The following RABL3 variants were observed in gnomAD, a reference collection of about 807,000 sequenced individuals.
RABL3 encodes the protein rab-like protein 3.
Under a neutral mutation model 31.8 loss-of-function variants are expected in RABL3, and 31 were observed. The ratio of observed to expected loss-of-function variants is 0.97; its 90% CI spans 0.73 to 1.31. The LOEUF (loss-of-function observed/expected upper bound fraction) is 1.31, where lower values mean the gene tolerates loss of function less well. Ranked by LOEUF, RABL3 falls within the 40% of genes most tolerant of loss-of-function variation. The pLI, the probability that RABL3 is intolerant of heterozygous loss-of-function variation, is 0.00. For synonymous variants in RABL3, 97 were observed against 99.9 expected (o/e 0.97, Z 0.18); for missense variants, 263 against 279.6 (o/e 0.94, Z 0.42).
At chr3:120,720,052 G>A (rs1708719009) in intron 2 of RABL3, among the ~76,000 whole-genome samples, 1 of 152,190 alleles carries the variant, frequency 6.6e-6, no homozygotes, top group Admixed American at 6.5e-5. Context: ...TATAGCCTCC[G>A]CTGGTGATAC....
intron 2 of RABL3, among the ~76,000 whole-genome samples, chr3:120,711,184 G>A (rs1708609163): frequency 1.3e-5 from 2 of 151,948 alleles, no homozygotes; most frequent in Non-Finnish European, 2.9e-5. Flanking sequence ...TGTGTCTCAA[G>A]GTTTAGTTCT....
chr3:120,711,823 C>T (rs1708616084), intron 2 of RABL3, among the ~76,000 whole-genome samples: 1 of 152,058 alleles, frequency 6.6e-6, no homozygotes, highest in Admixed American at 6.5e-5. Flanking sequence ...GTATTTTGAA[C>T]AATTCTCCAA....
Position 120,739,460 on chromosome 3 carries a change from T to C in RABL3, c.46+3002A>G, listed in dbSNP as rs367896131. Among the ~76,000 whole-genome samples, 121 of 152,300 alleles carry C rather than the reference T, an allele frequency of 7.9e-4. 1 individual carries two copies. The highest frequency in any genetic ancestry group is 2.8e-3 in the African/African-American group (117 of 41,556). ...TGATAAAGATCAAAGATTATCATTA[T>C]GATTATTCTGGCAAATCAGTTGTTT... On this transcript the variant is annotated intron_variant, in intron 1 of 7. Coordinates refer to ENST00000273375, the MANE Select transcript of RABL3 (RefSeq NM_173825.5).
chr3:120,694,335 A>C, intron 5 of RABL3, 111 bp from the exon 6 acceptor site: 1 of 622,744 alleles, frequency 1.6e-6, no homozygotes, highest in Non-Finnish European at 2.9e-6. Context: ...ATTAGGCACA[A>C]TACTCTCACA....
chr3:120,738,363 A>G, intron 1 of RABL3, among the ~76,000 whole-genome samples: 1 of 152,188 alleles, frequency 6.6e-6, no homozygotes, highest in Non-Finnish European at 1.5e-5. Flanking sequence ...GCACAGTATT[A>G]GGGTGGGAGG....
chr3:120,709,166 T>C (rs1444121843), intron 3 of RABL3, among the ~76,000 whole-genome samples: 2 of 152,038 alleles, frequency 1.3e-5, no homozygotes, highest in African/African-American at 2.4e-5. Context: ...GAAACTCTAT[T>C]GGCAAATCAC....
intron 2 of RABL3, among the ~76,000 whole-genome samples, chr3:120,717,106 T>A (rs1427647628): frequency 6.6e-6 from 1 of 151,430 alleles, no homozygotes; most frequent in African/African-American, 2.4e-5. Flanking sequence ...TACAAAAAAA[T>A]TTAGCCAGGC....
chr3:120,722,128 T>A (rs1708750672), intron 2 of RABL3: 1 of 152,150 alleles, frequency 6.6e-6, no homozygotes. Context: ...CCACGTGAAA[T>A]ATTTTATCAT....
chr3:120,696,116 A>G (rs560895682), intron 5 of RABL3, among the ~76,000 whole-genome samples: 1 of 152,358 alleles, frequency 6.6e-6, no homozygotes, highest in South Asian at 2.1e-4. Flanking sequence ...ACAGGGTACA[A>G]TAAGCCTAAC....
intron 2 of RABL3, chr3:120,722,503 A>G (rs1376770178): frequency 3.3e-5 from 5 of 152,222 alleles, no homozygotes; most frequent in Admixed American, 6.5e-5. Flanking sequence ...CACATCCCCT[A>G]TAACAGAAGA....
intron 2 of RABL3, among the ~76,000 whole-genome samples, chr3:120,712,346 T>C (rs1309568634): frequency 2.0e-5 from 3 of 152,134 alleles, no homozygotes; most frequent in Non-Finnish European, 2.9e-5. Flanking sequence ...CACTATTTTG[T>C]TATATGGCAA....
intron 2 of RABL3, among the ~76,000 whole-genome samples, chr3:120,713,722 A>G (rs977241375): frequency 6.6e-6 from 1 of 152,114 alleles, no homozygotes; most frequent in Non-Finnish European, 1.5e-5. Context: ...TCATTTATTC[A>G]GCTTTTGACT....
At chr3:120,709,608 G>A (rs887967841) in intron 3 of RABL3, among the ~76,000 whole-genome samples, 172 bp downstream of exon 3, 2 of 151,896 alleles carry the variant, frequency 1.3e-5, no homozygotes, top group African/African-American at 2.4e-5. Flanking sequence ...GAATTAGATG[G>A]TTACAATGTA....
At chr3:120,721,832 T>C (rs1708745881) in intron 2 of RABL3, among the ~76,000 whole-genome samples, 1 of 152,186 alleles carries the variant, frequency 6.6e-6, no homozygotes, top group Non-Finnish European at 1.5e-5. Flanking sequence ...GCGGACCTAA[T>C]AGATATCTAC....
At chr3:120,735,540 G>C (rs60860370) in intron 1 of RABL3, among the ~76,000 whole-genome samples, 9,611 of 151,710 alleles carry the variant, frequency 0.063, 417 homozygotes, top group East Asian at 0.19. Context: ...GTGTCTCTAT[G>C]TCCTTCAGTT....
intron 2 of RABL3, among the ~76,000 whole-genome samples, chr3:120,725,290 G>T (rs1486209796): frequency 6.6e-6 from 1 of 152,156 alleles, no homozygotes; most frequent in African/African-American, 2.4e-5. Flanking sequence ...TAAAAAGTCA[G>T]GAAACAACAG....
chr3:120,734,172 C>T (rs1708924978), intron 1 of RABL3, among the ~76,000 whole-genome samples: 1 of 152,150 alleles, frequency 6.6e-6, no homozygotes, highest in Admixed American at 6.5e-5. Context: ...TTCTTCCTAC[C>T]CATGAGCATG....
At chr3:120,707,091 A>G (rs1708557882) in intron 3 of RABL3, among the ~76,000 whole-genome samples, 2 of 152,228 alleles carry the variant, frequency 1.3e-5, no homozygotes, top group East Asian at 1.9e-4. Context: ...CATGAAACCA[A>G]TGATTCCTCC....
Position 120,689,889 on chromosome 3 carries a change from C to T in RABL3, c.646-1G>A. On this transcript the variant is annotated splice_acceptor_variant, in intron 7 of 7. Coordinates refer to ENST00000273375, the MANE Select transcript of RABL3 (RefSeq NM_173825.5). LOFTEE classifies it high-confidence loss of function. ...TTTTCCGATCAGGAAAGCCTGGAAT[C>T]TGTAGGCAAGAAAGATAATTGCATT... 6.2e-7 allele frequency: 1 copy of T among 1,611,228 alleles called. No individual in the cohort carries two copies. Among genetic ancestry groups the T allele is most frequent in the Non-Finnish European group, 8.5e-7 (1 of 1,177,608 alleles).
Sources: gnomAD v4.1 joint callset for allele counts (sites outside exome capture counted in the v4.1 genomes callset) on GRCh38, gnomAD v4.1.1 for gene constraint, MANE v1.5 for transcripts, NCBI Gene and HGNC (gene_info 2026-07-23, HGNC 2026-07-21) for gene names.